Variants in CRTC1 observed in about 807,000 individuals in gnomAD.
CRTC1 encodes the protein CREB-regulated transcription coactivator 1.
CRTC1 carries 18 observed loss-of-function variants against 66.1 expected under a neutral mutation model. The ratio of observed to expected loss-of-function variants is 0.27; its 90% confidence interval spans 0.19 to 0.40. The LOEUF (loss-of-function observed/expected upper bound fraction) is 0.40, where lower values mean the gene tolerates loss of function less well. Among genes scored for constraint, CRTC1 ranks in the 10% least tolerant of loss-of-function variants. The pLI, the probability that CRTC1 is intolerant of heterozygous loss-of-function variation, is 1.00. For missense variants in CRTC1, 669 were observed against 887.9 expected (o/e 0.75, Z 3.13); for synonymous variants, 416 against 398.8 (o/e 1.04, Z -0.51).
chr19:18,749,115 C>G (rs983396417), intron 4 of CRTC1, among the ~76,000 whole-genome samples: 1 of 152,186 alleles, frequency 6.6e-6, no homozygotes, highest in African/African-American at 2.4e-5. Context: ...TGTGCTTTCT[C>G]CCCATCAGTT....
At chr19:18,690,940 G>A (rs1007975397) in intron 1 of CRTC1, among the ~76,000 whole-genome samples, 2 of 151,492 alleles carry the variant, frequency 1.3e-5, no homozygotes, top group Non-Finnish European at 2.9e-5. Context: ...GCAGGAGAAT[G>A]GCGTGAACCT....
rs753848186 is a variant in CRTC1 at position 18,765,469 on chromosome 19, A to G, written c.952A>G (p.Thr318Ala). Residue 318 changes from threonine to alanine, a missense_variant, in exon 9 of 14, where the codon ACA becomes GCA. This residue lies in a region of CRTC1 where 241 missense variants were observed against 242.2 expected (regional missense o/e 0.99). Transcript: ENST00000321949. ...TGGCGTCAGCCCCCTGTCCCTGAGC[A>G]CAGAGGCAAGGCGTCAGCAGGCATC... ...PAGVSPLSLS[T>A]EARRQQASPT... 17 of 1,612,180 alleles carry G rather than the reference A, an allele frequency of 1.1e-5. No individual in the cohort carries two copies. Among genetic ancestry groups the G allele is most frequent in the Non-Finnish European group, 1.3e-5 (15 of 1,179,830 alleles).
rs1369540768 is a variant in CRTC1 at position 18,779,387 on chromosome 19, C to T, written c.*2005C>T. ...GTCTTGTTCCAAGGTGCGGGGGGGA[C>T]ACTGTTGGTCTGTCCAGGTCAAGGT... On this transcript the variant is annotated 3_prime_UTR_variant, in exon 14 of 14. Transcript: ENST00000321949. 2 of 225,684 alleles carry T rather than the reference C, an allele frequency of 8.9e-6. No homozygotes were observed. The highest frequency in any genetic ancestry group is 1.8e-5 in the Non-Finnish European group (2 of 113,396). 14.0% of individuals were successfully genotyped at this position (225,684 alleles called of 1,614,324 possible). A position where few individuals can be genotyped will look rare whatever the true frequency, so the allele number is the denominator to read the frequency against.
chr19:18,714,898 G>A (rs1361367980), intron 1 of CRTC1, among the ~76,000 whole-genome samples: 1 of 152,258 alleles, frequency 6.6e-6, no homozygotes, highest in Non-Finnish European at 1.5e-5. Context: ...CTGGGCTCTG[G>A]GGCCTGCAGT....
At position 18,765,574 on chromosome 19, in the gene CRTC1, G is replaced by GTGGAGGCC. The variant is rs1295781779; in HGVS notation, c.1011+50_1011+57dup. On this transcript the variant is annotated intron_variant, in intron 9 of 13. Coordinates refer to ENST00000321949, the MANE Select transcript of CRTC1 (RefSeq NM_015321.3). The stretch of plus-strand genomic sequence containing the variant: ...GCAGGTGGGAGGGGGAAAGGGAAAG[G>GTGGAGGCC]TGGAGGCCTGGCTCTACCTCTTAGA... 2.6e-6 allele frequency: 4 copies of GTGGAGGCC among 1,567,052 alleles called. No homozygotes were observed. In the African/African-American group the frequency reaches 5.4e-5, roughly 21 times the overall value.
Position 18,768,693 on chromosome 19 carries a change from G to A in CRTC1, c.1220G>A (p.Gly407Glu). 1.3e-6 allele frequency: 2 copies of A among 1,582,184 alleles called. No individual in the cohort carries two copies. Among genetic ancestry groups the A allele is most frequent in the Non-Finnish European group, 1.7e-6 (2 of 1,165,742 alleles). Reference sequence around the variant, plus strand: ...TTGCCCAGCGCCAGCCTGACTCGTGGGCCACAGCCGCCCCCGCTTGCAGTC... The same window carrying A: ...TTGCCCAGCGCCAGCCTGACTCGTGAGCCACAGCCGCCCCCGCTTGCAGTC... Reference protein sequence around the residue: ...PLLPSASLTRGPQPPPLAVTV... With the variant: ...PLLPSASLTREPQPPPLAVTV... Residue 407 changes from glycine to glutamate, a missense_variant, in exon 10 of 14, where the codon GGG becomes GAG. By Grantham distance (98) the Gly-to-Glu change is moderately conservative (BLOSUM62 -2). Around this residue, in one of 8 missense-constraint regions of CRTC1, gnomAD observed 241 missense variants for 242.2 expected, o/e 0.99. Transcript: ENST00000321949. This position sits in a 1 kb window ranked among gnomAD's most constrained non-coding sequence, Gnocchi z 5.6.
intron 1 of CRTC1, among the ~76,000 whole-genome samples, chr19:18,691,226 T>TCTC (rs2052827278): frequency 2.0e-5 from 3 of 146,812 alleles, no homozygotes; most frequent in Admixed American, 2.0e-4. Flanking sequence ...AAGGAAAAGA[T>TCTC]GGAGGGGGAC....
At chr19:18,749,730 C>T (rs1351577275) in intron 4 of CRTC1, 51 bp from the exon 5 acceptor site, 1 of 1,462,232 alleles carries the variant, frequency 6.8e-7, no homozygotes, top group African/African-American at 1.4e-5. Flanking sequence ...AGGACTATCG[C>T]ATTGTCTGCC....
chr19:18,749,834 A>C lies in CRTC1; in HGVS notation c.497A>C (p.Glu166Ala). ...AGCACAATGACGCCCACGCAGCCAG[A>C]ATCCTTTAGCAGTGGGTCCCAGGAC... ...HQSTMTPTQP[E>A]SFSSGSQDVH... Residue 166 changes from glutamate (E) to alanine (A), a missense_variant, in exon 5 of 14, where the codon GAA (glutamate) becomes GCA (alanine). Physicochemically the swap from Glu to Ala is moderately radical, Grantham distance 107 (BLOSUM62 -1). Around this residue, in one of 8 missense-constraint regions of CRTC1, gnomAD observed 214 missense variants for 323.4 expected, o/e 0.66. Coordinates refer to ENST00000321949, the MANE Select transcript of CRTC1 (RefSeq NM_015321.3). 1.2e-6 allele frequency: 2 copies of C among 1,614,046 alleles called. No individual in the cohort carries two copies. The highest frequency in any genetic ancestry group is 1.7e-6 in the Non-Finnish European group (2 of 1,179,978).
chr19:18,751,953 C>G (rs1395856266), intron 5 of CRTC1, among the ~76,000 whole-genome samples: 1 of 151,986 alleles, frequency 6.6e-6, no homozygotes, highest in African/African-American at 2.4e-5. Flanking sequence ...TGCTTGAGAT[C>G]AAGAGTTTGA....
intron 12 of CRTC1, among the ~76,000 whole-genome samples, chr19:18,775,295 G>A (rs1183501726): frequency 6.6e-6 from 1 of 152,260 alleles, no homozygotes; most frequent in Non-Finnish European, 1.5e-5. Context: ...CCGTGGCTGT[G>A]GACGCGGCGC....
chr19:18,731,315 C>T (rs978544082), intron 1 of CRTC1, among the ~76,000 whole-genome samples: 2 of 152,188 alleles, frequency 1.3e-5, no homozygotes, highest in African/African-American at 4.8e-5. Context: ...CTTTCCAGCT[C>T]CTGGTGGCCC....
chr19:18,745,611 C>A (rs1208710286), intron 2 of CRTC1, among the ~76,000 whole-genome samples: 1 of 152,202 alleles, frequency 6.6e-6, no homozygotes, highest in Admixed American at 6.5e-5. Flanking sequence ...GCTCCCGGGA[C>A]CCCAGCTCAC....
chr19:18,683,686 G>C lies in CRTC1; in HGVS notation c.-17G>C. 1.4e-6 allele frequency: 2 copies of C among 1,392,412 alleles called. No homozygotes were observed. The highest frequency in any genetic ancestry group is 9.5e-7 in the Non-Finnish European group (1 of 1,047,874). 86.3% of individuals were successfully genotyped at this position (1,392,412 alleles called of 1,614,324 possible). On this transcript the variant is annotated 5_prime_UTR_variant, in exon 1 of 14. Transcript: ENST00000321949. ...GGTGGAGGAGGAGGAGGAGGAGGAG[G>C]AGGTGGCGGCGAGAAGATGGCGACT... is the stretch of plus-strand genomic sequence containing the variant.
intron 1 of CRTC1, among the ~76,000 whole-genome samples, chr19:18,725,569 A>T (rs936434115): frequency 2.0e-5 from 3 of 152,064 alleles, no homozygotes; most frequent in Non-Finnish European, 2.9e-5. Context: ...ACCTGTGGCT[A>T]TGCGTGCTCA....
intron 8 of CRTC1, among the ~76,000 whole-genome samples, chr19:18,762,931 T>C (rs2054646943): frequency 6.6e-6 from 1 of 152,220 alleles, no homozygotes; most frequent in African/African-American, 2.4e-5. Flanking sequence ...GGGCCCACAG[T>C]TGTGCATCTG....
At chr19:18,748,986 C>T (rs772101337) in intron 4 of CRTC1, among the ~76,000 whole-genome samples, 13 of 152,126 alleles carry the variant, frequency 8.5e-5, no homozygotes, top group Non-Finnish European at 1.9e-4. Context: ...GAGGTCAAAA[C>T]ACTTGCTCAG....
chr19:18,768,662 C>A lies in CRTC1; in HGVS notation c.1189C>A (p.Pro397Thr). ...QAPVRLPPGG[P>T]LLPSASLTRG... Reference sequence around the variant, plus strand: ...GCCCGTCCGCCTGCCCCCTGGTGGCCCCCTGTTGCCCAGCGCCAGCCTGAC... The same window carrying A: ...GCCCGTCCGCCTGCCCCCTGGTGGCACCCTGTTGCCCAGCGCCAGCCTGAC... Residue 397 changes from proline (P) to threonine (T), a missense_variant, in exon 10 of 14, where the codon CCC becomes ACC. Around this residue, in one of 8 missense-constraint regions of CRTC1, gnomAD observed 241 missense variants for 242.2 expected, o/e 0.99. Coordinates refer to ENST00000321949, the MANE Select transcript of CRTC1 (RefSeq NM_015321.3). The surrounding 1 kb of genome is among the most constrained non-coding windows in gnomAD (Gnocchi z 5.6). 6.5e-7 allele frequency: 1 copy of A among 1,546,258 alleles called. No individual in the cohort carries two copies. The highest frequency in any genetic ancestry group is 8.7e-7 in the Non-Finnish European group (1 of 1,144,906).
At chr19:18,706,195 T>C (rs1462466296) in intron 1 of CRTC1, among the ~76,000 whole-genome samples, 2 of 65,890 alleles carry the variant, frequency 3.0e-5, no homozygotes, top group Non-Finnish European at 6.3e-5. Flanking sequence ...TTTTTTTTTT[T>C]TTTTTTTTTT....
Sources: allele counts gnomAD v4.1 joint callset (sites outside exome capture counted in the v4.1 genomes callset), GRCh38; gene constraint gnomAD v4.1.1; regional missense constraint gnomAD v4.1.1; non-coding constraint Gnocchi (gnomAD v3.1); transcripts MANE v1.5; gene names NCBI Gene and HGNC (gene_info 2026-07-23, HGNC 2026-07-21).